The following MYO7A variants were observed in gnomAD, a reference collection of about 807,000 sequenced individuals.
The protein encoded by MYO7A is myosin VIIA.
In MYO7A, 210 loss-of-function variants were observed where a neutral mutation model predicts 263.8. The ratio of observed to expected loss-of-function variants is 0.80; its 90% CI spans 0.71 to 0.89. The LOEUF is 0.89. Among genes scored for constraint, MYO7A ranks in the 40% least tolerant of loss-of-function variants. The probability of loss-of-function intolerance (pLI) is 0.00; values close to 1 mark genes in which losing one functional copy is unlikely to be tolerated. For synonymous variants in MYO7A, 1,239 were observed against 1,197.3 expected (o/e 1.03, Z -0.72); for missense variants, 2,820 against 2,968.3 (o/e 0.95, Z 1.16).
In MYO7A at chr11:77,175,435, C is replaced by T; in HGVS notation, c.2158C>T (p.Gln720Ter). The T allele has an allele frequency of 6.2e-7, 1 of 1,613,372 alleles. No homozygotes were observed. The highest frequency in any genetic ancestry group is 8.5e-7 in the Non-Finnish European group (1 of 1,179,880). ...EAVLGTHDDW[Q>*]IGKTKIFLKD... ...TGTGCTGGGCACCCACGATGACTGG[C>T]AGATAGGCAAAACCAAGATCTTTCT... Residue 720 changes from glutamine (Q) to a stop codon, truncating the protein, a stop_gained, in exon 18 of 49, where the codon CAG becomes TAG. Transcript: ENST00000409709. LOFTEE classifies it high-confidence loss of function.
intron 19 of MYO7A, among the ~76,000 whole-genome samples, chr11:77,178,349 C>T (rs1555081588): frequency 7.1e-6 from 1 of 140,114 alleles, no homozygotes; most frequent in African/African-American, 2.7e-5. Context: ...TCCATCCATC[C>T]ACCCACCCAC....
rs1317616819 is a variant in MYO7A, at chr11:77,214,637, T to C, written c.6589T>C (p.Tyr2197His). 3 of 1,587,564 alleles carry C rather than the reference T, an allele frequency of 1.9e-6. No homozygotes were observed. Among genetic ancestry groups the C allele is most frequent in the Non-Finnish European group, 2.6e-6 (3 of 1,167,866 alleles). Residue 2197 changes from tyrosine to histidine, a missense_variant, in exon 49 of 49, where the codon TAC (tyrosine) becomes CAC (histidine). Coordinates refer to ENST00000409709, the MANE Select transcript of MYO7A (RefSeq NM_000260.4). ...CAAGATGGATGACCTCCTGACTTCC[T>C]ACATTAGCCAGATGCTCACAGCCAT... The part of the protein sequence containing the change: ...GYKMDDLLTS[Y>H]ISQMLTAMSK...
chr11:77,207,651 C>T (rs1957541361), intron 42 of MYO7A, among the ~76,000 whole-genome samples: 1 of 152,218 alleles, frequency 6.6e-6, no homozygotes, highest in Admixed American at 6.5e-5. Context: ...GTTCTAAAAA[C>T]ACCAGACCCT....
intron 37 of MYO7A, among the ~76,000 whole-genome samples, chr11:77,202,851 C>T (rs1327813295): frequency 1.3e-5 from 2 of 151,980 alleles, no homozygotes; most frequent in African/African-American, 2.4e-5. Flanking sequence ...GTGTTCTCGC[C>T]GCTGGGGTTT....
intron 32 of MYO7A, among the ~76,000 whole-genome samples, chr11:77,196,800 C>T (rs1691531632): frequency 6.6e-6 from 1 of 152,164 alleles, no homozygotes; most frequent in South Asian, 2.1e-4. Context: ...CCTGTGTCTA[C>T]ATTCTATAAA....
chr11:77,214,440 A>C (rs1018104522), intron 48 of MYO7A, among the ~76,000 whole-genome samples, 167 bp from the exon 49 acceptor site: 5 of 152,222 alleles, frequency 3.3e-5, no homozygotes, highest in Admixed American at 6.5e-5. Flanking sequence ...ATCTGGCTGG[A>C]TGAATTCAAC....
At chr11:77,135,685 C>T (rs1324957888) in intron 2 of MYO7A, among the ~76,000 whole-genome samples, 1 of 152,156 alleles carries the variant, frequency 6.6e-6, no homozygotes, top group Admixed American at 6.5e-5. Context: ...CACATTCCCA[C>T]CAGCAGTGCA....
intron 18 of MYO7A, 30 bp from the exon 19 acceptor site, chr11:77,177,518 TG>T: frequency 1.9e-6 from 3 of 1,565,360 alleles, no homozygotes; most frequent in Non-Finnish European, 2.6e-6. Flanking sequence ...GGAGACCTTG[TG>T]GGGCGCTGCT....
intron 19 of MYO7A, among the ~76,000 whole-genome samples, chr11:77,178,637 A>G (rs1954887851): frequency 1.3e-5 from 2 of 152,222 alleles, no homozygotes; most frequent in African/African-American, 4.8e-5. Flanking sequence ...TGCAGGGGGA[A>G]CAGCACTGGG....
chr11:77,147,208 G>A (rs1186408088), intron 3 of MYO7A, among the ~76,000 whole-genome samples: 1 of 151,912 alleles, frequency 6.6e-6, no homozygotes, highest in African/African-American at 2.4e-5. Context: ...CCCTGGGCCT[G>A]GAGCCCTCTG....
chr11:77,204,759 G>GC (rs1338105294), intron 39 of MYO7A, among the ~76,000 whole-genome samples: 1 of 152,030 alleles, frequency 6.6e-6, no homozygotes, highest in Non-Finnish European at 1.5e-5. Context: ...CTTACACCCA[G>GC]CCCCCCGCCT....
rs1952948892 is a variant in MYO7A, at chr11:77,161,068, C to T, written c.1296C>T (p.Ser432=). 2.5e-6 allele frequency: 4 copies of T among 1,613,988 alleles called. No homozygotes were observed. Among genetic ancestry groups the T allele is most frequent in the Non-Finnish European group, 3.4e-6 (4 of 1,179,886 alleles). ...PSQDVKNSRR[S]IGLLDIFGFE... ...AGGATGTGAAGAACTCTCGCAGGTC[C>T]ATCGGCCTCCTGGACATCTTTGGGT... is the stretch of plus-strand genomic sequence containing the variant. The change falls in exon 12 of 49, where the codon TCC becomes TCT. Residue 432 remains serine, a synonymous_variant. Transcript: ENST00000409709.
chr11:77,187,937 A>G (rs1591403201), intron 27 of MYO7A, among the ~76,000 whole-genome samples: 7 of 152,022 alleles, frequency 4.6e-5, no homozygotes, highest in Admixed American at 3.3e-4. Flanking sequence ...GCTAGTCACT[A>G]CCTCACCGGG....
chr11:77,146,441 G>T (rs1298876279), intron 3 of MYO7A, among the ~76,000 whole-genome samples: 4 of 152,222 alleles, frequency 2.6e-5, no homozygotes, highest in African/African-American at 9.6e-5. Flanking sequence ...GCCGGGGCCG[G>T]GCCAGTGAGA....
At chr11:77,164,499 A>G (rs891783937) in intron 14 of MYO7A, among the ~76,000 whole-genome samples, 1 of 152,244 alleles carries the variant, frequency 6.6e-6, no homozygotes, top group African/African-American at 2.4e-5. Context: ...TCCAGAAGTC[A>G]GCAGTGTATC....
chr11:77,140,518 C>T (rs563304336), intron 2 of MYO7A, among the ~76,000 whole-genome samples: 13 of 152,200 alleles, frequency 8.5e-5, no homozygotes, highest in South Asian at 2.1e-4. Flanking sequence ...TGCCCACAAG[C>T]GAACACGCTC....
chr11:77,203,280 A>G (rs1681419493), intron 38 of MYO7A, 63 bp downstream of exon 38: 1 of 1,513,308 alleles, frequency 6.6e-7, no homozygotes, highest in African/African-American at 1.4e-5. Flanking sequence ...TCGTCTGCAC[A>G]CTGCCTTCCT....
Position 77,212,972 on chromosome 11 carries a change from C to T in MYO7A, c.6375C>T (p.Phe2125=), listed in dbSNP as rs1364293878. 1.3e-6 allele frequency: 2 copies of T among 1,595,940 alleles called. No homozygotes were observed. Among genetic ancestry groups the T allele is most frequent in the Middle Eastern group, 1.7e-4 (1 of 6,048 alleles). Residue 2125 remains phenylalanine (F), a synonymous_variant, in exon 47 of 49, where the codon TTC becomes TTT. Transcript: ENST00000409709. ...TCTAGCAAACTACGGAGCCAAACTT[C>T]CCTGAGATCCTCCTAATTGCCATCA... The part of the protein sequence containing the change: ...FEVKQTTEPN[F]PEILLIAINK...
chr11:77,184,252 G>T (rs1371117965), intron 26 of MYO7A, among the ~76,000 whole-genome samples: 2 of 152,140 alleles, frequency 1.3e-5, no homozygotes, highest in East Asian at 3.9e-4. Context: ...AGAGATAGGG[G>T]TCCCGCTTGG....
Sources: gnomAD v4.1 joint callset for allele counts (sites outside exome capture counted in the v4.1 genomes callset) on GRCh38, gnomAD v4.1.1 for gene constraint, MANE v1.5 for transcripts, NCBI Gene and HGNC (gene_info 2026-07-23, HGNC 2026-07-21) for gene names.